The following SPRING1 variants were observed in gnomAD, a reference collection of about 807,000 sequenced individuals.
SPRING1 encodes the protein SREBP regulating gene protein.
In SPRING1, 14 loss-of-function variants were observed where a neutral mutation model predicts 24.7. That is an observed-to-expected ratio of 0.57 (90% CI 0.37 to 0.88). The LOEUF (loss-of-function observed/expected upper bound fraction) is 0.88, where lower values mean the gene tolerates loss of function less well. SPRING1 is among the 40% of genes least tolerant of loss of function. The pLI, the probability that SPRING1 is intolerant of heterozygous loss-of-function variation, is 0.00. For missense variants in SPRING1, 255 were observed against 268.4 expected (o/e 0.95, Z 0.35); for synonymous variants, 93 against 106.1 (o/e 0.88, Z 0.76).
At chr12:116,734,950 G>A (rs1566062631) in intron 1 of SPRING1, among the ~76,000 whole-genome samples, 1 of 152,148 alleles carries the variant, frequency 6.6e-6, no homozygotes, top group African/African-American at 2.4e-5. Context: ...CCCCTACTGC[G>A]GGGAAGAGAA....
At chr12:116,722,874 A>C (rs1473501054) in intron 2 of SPRING1, among the ~76,000 whole-genome samples, 193 bp downstream of exon 2, 1 of 152,238 alleles carries the variant, frequency 6.6e-6, no homozygotes, top group African/African-American at 2.4e-5. Context: ...AGTTATCAAA[A>C]CAAGCTTCTC....
chr12:116,736,219 G>T (rs1871213509), intron 1 of SPRING1, among the ~76,000 whole-genome samples: 1 of 152,092 alleles, frequency 6.6e-6, no homozygotes, highest in Non-Finnish European at 1.5e-5. Flanking sequence ...CATACCTCCA[G>T]AGATCACCTG....
At chr12:116,721,294 C>G (rs1297212018) in intron 2 of SPRING1, among the ~76,000 whole-genome samples, 2 of 152,160 alleles carry the variant, frequency 1.3e-5, no homozygotes, top group African/African-American at 4.8e-5. Context: ...GAGGAAAGTC[C>G]CAGGTGCACA....
At chr12:116,727,464 A>G (rs930663778) in intron 1 of SPRING1, among the ~76,000 whole-genome samples, 2 of 152,328 alleles carry the variant, frequency 1.3e-5, no homozygotes, top group East Asian at 3.9e-4. Flanking sequence ...GGCTGTATTC[A>G]TAACTGTGCT....
chr12:116,734,295 C>A (rs1289289159), intron 1 of SPRING1, among the ~76,000 whole-genome samples: 1 of 152,186 alleles, frequency 6.6e-6, no homozygotes, highest in Non-Finnish European at 1.5e-5. Context: ...CAGTCACATG[C>A]TGTACAGGCT....
intron 1 of SPRING1, among the ~76,000 whole-genome samples, chr12:116,726,269 A>C (rs1027317993): frequency 1.3e-5 from 2 of 152,214 alleles, no homozygotes; most frequent in African/African-American, 4.8e-5. Context: ...GGAGCTTTTA[A>C]AACAATTCTC....
chr12:116,737,663 G>T, intron 1 of SPRING1, 127 bp downstream of exon 1: 1 of 1,088,724 alleles, frequency 9.2e-7, no homozygotes, highest in Non-Finnish European at 1.2e-6. Context: ...GAAAGGAAGG[G>T]AAGGGGTAGG....
At chr12:116,734,219 A>G (rs1368762305) in intron 1 of SPRING1, among the ~76,000 whole-genome samples, 2 of 152,034 alleles carry the variant, frequency 1.3e-5, no homozygotes, top group East Asian at 1.9e-4. Context: ...TACCTTTTCT[A>G]TGTTTAGATC....
rs1412547636 is a variant in SPRING1, at chr12:116,713,930, G to GT, written c.*3879dup. ...GTGCTCCTGAATTATCTGAAATATC[G>GT]TATCTTTAAAAACAGTAACAACAAT... On this transcript the variant is annotated 3_prime_UTR_variant, in exon 5 of 5. Transcript: ENST00000261318. 6.6e-6 allele frequency: 1 copy of GT among 152,086 alleles called. No individual in the cohort carries two copies. The highest frequency in any genetic ancestry group is 3.2e-3 in the Middle Eastern group (1 of 316). The allele number at this position is 152,086 out of a possible 1,614,324, so 9.4% of individuals were successfully genotyped here.
rs1312008540 is a variant in SPRING1 at position 116,737,967 on chromosome 12, TG to T, written c.-68del. On this transcript the variant is annotated 5_prime_UTR_variant, in exon 1 of 5. Transcript: ENST00000261318. ...CGGCAGGCCCGGGTCCCGGGCGGCATGGCCCCTACGCGCCCGGCAGCCCCAT... is the reference window on the plus strand; with the variant it reads ...CGGCAGGCCCGGGTCCCGGGCGGCATGCCCCTACGCGCCCGGCAGCCCCAT... 2.5e-5 allele frequency: 31 copies of T among 1,257,458 alleles called. No individual in the cohort carries two copies. The East Asian group carries it at 9.8e-4, about 40-fold the overall frequency. The allele number at this position is 1,257,458 out of a possible 1,614,324, so 77.9% of individuals were successfully genotyped here. A position where few individuals can be genotyped will look rare whatever the true frequency, so the allele number is the denominator to read the frequency against.
At position 116,720,019 on chromosome 12, in the gene SPRING1, G is replaced by C. The variant is rs181374629; in HGVS notation, c.421-143C>G. Reference sequence around the variant, plus strand: ...AAAGGAGGGAGGGGAAAGGACACACGCGTGCACACACGTGCATGCCAAAAC... The same window carrying C: ...AAAGGAGGGAGGGGAAAGGACACACCCGTGCACACACGTGCATGCCAAAAC... On this transcript the variant is annotated intron_variant, in intron 3 of 4. Coordinates refer to ENST00000261318, the MANE Select transcript of SPRING1 (RefSeq NM_024738.4). This position sits in a 1 kb window ranked among gnomAD's most constrained non-coding sequence, Gnocchi z 4.0. 1.3e-5 allele frequency: 10 copies of C among 768,122 alleles called. No homozygotes were observed. The highest frequency in any genetic ancestry group is 2.1e-5 in the Non-Finnish European group (10 of 470,208). The allele number at this position is 768,122 out of a possible 1,614,324, so 47.6% of individuals were successfully genotyped here.
chr12:116,722,599 G>C (rs1458291586), intron 2 of SPRING1, among the ~76,000 whole-genome samples: 1 of 152,168 alleles, frequency 6.6e-6, no homozygotes, highest in Non-Finnish European at 1.5e-5. Context: ...CTTGTCACTG[G>C]CATCACTGCT....
chr12:116,721,324 G>A (rs1322361221), intron 2 of SPRING1, among the ~76,000 whole-genome samples: 2 of 152,200 alleles, frequency 1.3e-5, no homozygotes, highest in Non-Finnish European at 2.9e-5. Flanking sequence ...CCAGGTGCAC[G>A]TTCAGGCCCA....
At chr12:116,726,686 G>A (rs199687438) in intron 1 of SPRING1, among the ~76,000 whole-genome samples, 4,626 of 152,128 alleles carry the variant, frequency 0.03, 98 homozygotes, top group African/African-American at 0.053. Context: ...CATCCATCAA[G>A]CTATGTGCAA....
intron 1 of SPRING1, among the ~76,000 whole-genome samples, chr12:116,732,989 T>C (rs955303274): frequency 6.6e-6 from 1 of 152,216 alleles, no homozygotes; most frequent in Non-Finnish European, 1.5e-5. Context: ...CCAAAACCAG[T>C]AAGATGTTCA....
chr12:116,720,392 G>T lies in SPRING1; in HGVS notation c.324C>A (p.Val108=). ...CACAGCAGTACTGCTTCGTGCTAGG[G>T]ACGTTGACATTACAGCAGCCATTTA... The part of the protein sequence containing the change: ...LLVNGCCNVN[V]PSTKQYCCDG... Residue 108 remains valine, a synonymous_variant, in exon 3 of 5, where the codon GTC becomes GTA. Transcript: ENST00000261318. The surrounding 1 kb of genome is among the most constrained non-coding windows in gnomAD (Gnocchi z 4.0). 1 of 1,614,176 alleles carries T rather than the reference G, an allele frequency of 6.2e-7. No individual in the cohort carries two copies. Among genetic ancestry groups the T allele is most frequent in the Non-Finnish European group, 8.5e-7 (1 of 1,180,028 alleles).
At chr12:116,724,078 G>A (rs886788632) in intron 1 of SPRING1, among the ~76,000 whole-genome samples, 4 of 152,142 alleles carry the variant, frequency 2.6e-5, no homozygotes, top group Non-Finnish European at 5.9e-5. Flanking sequence ...GAACGCTTCA[G>A]TAAGCTACTG....
At chr12:116,723,024 C>CTAG in intron 2 of SPRING1, 43 bp downstream of exon 2, 1 of 1,610,854 alleles carries the variant, frequency 6.2e-7, no homozygotes, top group South Asian at 1.1e-5. Flanking sequence ...CCCAACCAGC[C>CTAG]TACGCTCCTG....
At position 116,717,732 on chromosome 12, in the gene SPRING1, T is replaced by A. The variant is rs960360185; in HGVS notation, c.*78A>T. 51 of 1,288,918 alleles carry A rather than the reference T, an allele frequency of 4.0e-5. No homozygotes were observed. The Admixed American group carries it at 8.3e-4, about 21-fold the overall frequency. The allele number at this position is 1,288,918 out of a possible 1,614,324, so 79.8% of individuals were successfully genotyped here. A position where few individuals can be genotyped will look rare whatever the true frequency, so the allele number is the denominator to read the frequency against. On this transcript the variant is annotated 3_prime_UTR_variant, in exon 5 of 5. Coordinates refer to ENST00000261318, the MANE Select transcript of SPRING1 (RefSeq NM_024738.4). This position sits in a 1 kb window ranked among gnomAD's most constrained non-coding sequence, Gnocchi z 4.2. ...GTCTTCTTCCTGCAGCCTGGCCCGATGGCTGAAGCTGGGTCCCAGGAGGCG... is the reference window on the plus strand; with the variant it reads ...GTCTTCTTCCTGCAGCCTGGCCCGAAGGCTGAAGCTGGGTCCCAGGAGGCG...
Sources: gnomAD v4.1 joint callset for allele counts (sites outside exome capture counted in the v4.1 genomes callset) on GRCh38, gnomAD v4.1.1 for gene constraint, Gnocchi (gnomAD v3.1) non-coding constraint, MANE v1.5 for transcripts, NCBI Gene and HGNC (gene_info 2026-07-23, HGNC 2026-07-21) for gene names.